TYW1: variants seen among roughly 807,000 people sequenced by gnomAD.
TYW1 encodes S-adenosyl-L-methionine-dependent tRNA 4-demethylwyosine synthase TYW1.
A neutral mutation model predicts 96.2 loss-of-function variants in TYW1; 46 were observed. That is an observed-to-expected ratio of 0.48 (90% confidence interval 0.38 to 0.61). The LOEUF (loss-of-function observed/expected upper bound fraction) is 0.61, where lower values mean the gene tolerates loss of function less well. TYW1 is among the 20% of genes least tolerant of loss of function. The pLI is 0.00. For synonymous variants in TYW1, 274 were observed against 323.0 expected, an observed-to-expected ratio of 0.85 and a Z score of 1.63; for missense variants, 684 against 909.6, an observed-to-expected ratio of 0.75 and a Z score of 3.19.
At chr7:67,234,273 C>G (rs1402044010) in intron 15 of TYW1, among the ~76,000 whole-genome samples, 1 of 98,852 alleles carries the variant, frequency 1.0e-5, no homozygotes, top group Non-Finnish European at 2.1e-5. Context: ...CTTGAGCCCA[C>G]AAGATTGAGG....
intron 12 of TYW1, among the ~76,000 whole-genome samples, chr7:67,101,757 C>T (rs1012951733): frequency 1.3e-5 from 2 of 152,038 alleles, no homozygotes; most frequent in Non-Finnish European, 2.9e-5. Context: ...CTCGGCCTCC[C>T]AAAGTGCTGG....
intron 10 of TYW1, 115 bp from the exon 11 acceptor site, chr7:67,083,315 T>C: frequency 2.0e-6 from 2 of 995,822 alleles, no homozygotes; most frequent in South Asian, 3.0e-5. Context: ...GTTGAACTCT[T>C]AGGAGGAAAC....
intron 3 of TYW1, among the ~76,000 whole-genome samples, chr7:67,007,979 G>T (rs1362543126): frequency 2.6e-5 from 4 of 152,120 alleles, no homozygotes; most frequent in Non-Finnish European, 4.4e-5. Context: ...ACTATTGGGA[G>T]TTATCATTAG....
rs192270036 is a variant in TYW1, at chr7:67,050,139, C to T, written c.1102+73C>T. On this transcript the variant is annotated intron_variant, in intron 8 of 15. Transcript: ENST00000359626. ...TCTCATTTGATACCTGGAATGAAGTCTCTCTCTAATTAGCTCAGCAGCTGT... is the reference window on the plus strand; with the variant it reads ...TCTCATTTGATACCTGGAATGAAGTTTCTCTCTAATTAGCTCAGCAGCTGT... 2.0e-3 allele frequency: 3,026 copies of T among 1,543,874 alleles called. 7 individuals are homozygous for T. Among genetic ancestry groups the T allele is most frequent in the Non-Finnish European group, 2.5e-3 (2,849 of 1,124,866 alleles).
chr7:67,101,564 G>A (rs1420534074), intron 12 of TYW1, among the ~76,000 whole-genome samples: 1 of 152,062 alleles, frequency 6.6e-6, no homozygotes. Context: ...CGCCCAGGCT[G>A]GAGTGCAGTG....
chr7:67,218,896 C>A (rs1055846540), intron 15 of TYW1, among the ~76,000 whole-genome samples: 2 of 152,138 alleles, frequency 1.3e-5, no homozygotes, highest in African/African-American at 4.8e-5. Context: ...CCTTGTATTT[C>A]TTCTTCTTAC....
intron 15 of TYW1, among the ~76,000 whole-genome samples, chr7:67,216,460 A>G (rs1189708027): frequency 7.2e-6 from 1 of 139,420 alleles, no homozygotes; most frequent in African/African-American, 2.8e-5. Flanking sequence ...TTCAGCCGAG[A>G]TCGGGTGCGT....
At chr7:67,061,514 C>T (rs1323825590) in intron 9 of TYW1, among the ~76,000 whole-genome samples, 4 of 152,150 alleles carry the variant, frequency 2.6e-5, no homozygotes, top group Admixed American at 6.5e-5. Flanking sequence ...TTAGATCTTA[C>T]GTACAATCTT....
chr7:67,182,491 G>A (rs561990984), intron 13 of TYW1, among the ~76,000 whole-genome samples: 3 of 152,268 alleles, frequency 2.0e-5, no homozygotes, highest in South Asian at 2.1e-4. Flanking sequence ...TTGAGTCCAG[G>A]AGATTGAGGC....
intron 6 of TYW1, among the ~76,000 whole-genome samples, chr7:67,024,431 T>C (rs1794380745): frequency 6.6e-6 from 1 of 152,092 alleles, no homozygotes; most frequent in South Asian, 2.1e-4. Flanking sequence ...CCTCACAGAG[T>C]GCTGGGATTA....
intron 15 of TYW1, among the ~76,000 whole-genome samples, chr7:67,201,320 AAC>A (rs1800592779): frequency 8.1e-6 from 1 of 123,184 alleles, no homozygotes; most frequent in Non-Finnish European, 1.7e-5. Context: ...CAACAACAAC[AAC>A]AACAACAACA....
chr7:67,017,049 C>T (rs1420129566), intron 5 of TYW1, among the ~76,000 whole-genome samples: 1 of 139,748 alleles, frequency 7.2e-6, no homozygotes, highest in Non-Finnish European at 1.5e-5. Flanking sequence ...ATGGCACAAT[C>T]TCGGCTCATT....
intron 8 of TYW1, among the ~76,000 whole-genome samples, chr7:67,053,996 G>A (rs1193133789): frequency 1.3e-5 from 2 of 152,184 alleles, no homozygotes. Flanking sequence ...GGCCTGGAAG[G>A]TTTCTAGACA....
At chr7:67,110,980 G>A (rs544107602) in intron 12 of TYW1, among the ~76,000 whole-genome samples, 18 of 152,148 alleles carry the variant, frequency 1.2e-4, no homozygotes, top group African/African-American at 4.3e-4. Flanking sequence ...ACTCCAGCCT[G>A]GGGGACAGAG....
intron 12 of TYW1, among the ~76,000 whole-genome samples, chr7:67,117,146 C>T (rs537055479): frequency 6.6e-6 from 1 of 152,266 alleles, no homozygotes; most frequent in African/African-American, 2.4e-5. Flanking sequence ...CAGAGAGCCC[C>T]TCTAATTGTG....
chr7:67,167,494 A>G (rs1476928965), intron 13 of TYW1, among the ~76,000 whole-genome samples: 2 of 135,536 alleles, frequency 1.5e-5, no homozygotes, highest in Middle Eastern at 3.8e-3. Flanking sequence ...AAAAAAAAAA[A>G]GGAAAGTCAT....
intron 15 of TYW1, among the ~76,000 whole-genome samples, chr7:67,232,802 A>G (rs1347426829): frequency 1.1e-5 from 1 of 88,966 alleles, no homozygotes; most frequent in African/African-American, 5.2e-5. Context: ...CCCACAGACC[A>G]CAGATCCTTT....
intron 13 of TYW1, among the ~76,000 whole-genome samples, chr7:67,170,445 C>T (rs1485427304): frequency 3.3e-5 from 5 of 152,150 alleles, no homozygotes; most frequent in Non-Finnish European, 5.9e-5. Context: ...TTGGGATCAG[C>T]TTTTAAAGCC....
At chr7:67,006,947 G>GTTTTTT (rs1562961994) in intron 3 of TYW1, among the ~76,000 whole-genome samples, 8 of 69,066 alleles carry the variant, frequency 1.2e-4, no homozygotes, top group Admixed American at 1.9e-4. Flanking sequence ...GAGATGTGAG[G>GTTTTTT]CTTTTTTTTT....
Sources: gnomAD v4.1 joint callset for allele counts (sites outside exome capture counted in the v4.1 genomes callset) on GRCh38, gnomAD v4.1.1 for gene constraint, MANE v1.5 for transcripts, NCBI Gene and HGNC (gene_info 2026-07-23, HGNC 2026-07-21) for gene names.